PDE1A: variants seen among roughly 807,000 people sequenced by gnomAD.
PDE1A encodes dual specificity calcium/calmodulin-dependent 3',5'-cyclic nucleotide phosphodiesterase 1A.
A neutral mutation model predicts 61.7 loss-of-function variants in PDE1A; 35 were observed. The ratio of observed to expected loss-of-function variants is 0.57; its 90% CI spans 0.43 to 0.75. The LOEUF is 0.75. Ranked by LOEUF, PDE1A falls within the 30% of genes least tolerant of loss-of-function variation. The probability of loss-of-function intolerance (pLI) is 0.00; values close to 1 mark genes in which losing one functional copy is unlikely to be tolerated. For missense variants in PDE1A, 597 were observed against 630.6 expected (o/e 0.95, Z 0.57); for synonymous variants, 232 against 213.2 (o/e 1.09, Z -0.77).
At chr2:182,363,290 A>T (rs367611334) in intron 1 of PDE1A, among the ~76,000 whole-genome samples, 2 of 152,026 alleles carry the variant, frequency 1.3e-5, no homozygotes, top group Non-Finnish European at 2.9e-5. Flanking sequence ...ATGTTCCTAT[A>T]CAAAATAGAG....
chr2:182,251,421 C>T (rs1003359702), intron 2 of PDE1A, among the ~76,000 whole-genome samples: 6 of 151,914 alleles, frequency 3.9e-5, no homozygotes, highest in Non-Finnish European at 8.8e-5. Flanking sequence ...TGTGTATGGT[C>T]TCATTGTGAC....
chr2:182,599,957 G>A, the PDE1A span, among the ~76,000 whole-genome samples: 47 of 152,246 alleles, frequency 3.1e-4, no homozygotes, highest in African/African-American at 1.0e-3. Context: ...CAGATCTTCA[G>A]GTTGCTACTT....
chr2:182,351,454 A>C (rs180838232), intron 1 of PDE1A, among the ~76,000 whole-genome samples: 261 of 152,338 alleles, frequency 1.7e-3, no homozygotes, highest in African/African-American at 5.9e-3. Context: ...TTTTGCAGCT[A>C]TCTTTTAGGA....
At position 182,283,467 on chromosome 2, in the gene PDE1A, A is replaced by T. The variant is rs986625930; in HGVS notation, c.54-19053T>A. Among the ~76,000 whole-genome samples, 13 of 151,990 alleles carry T rather than the reference A, an allele frequency of 8.6e-5. 1 individual carries two copies. Among genetic ancestry groups the T allele is most frequent in the Admixed American group, 2.6e-4 (4 of 15,222 alleles). ...AAGACTTGGTGGCAGCCTTCATTAAATGCTATATAACACAAATTATTAGAT... is the reference window on the plus strand; with the variant it reads ...AAGACTTGGTGGCAGCCTTCATTAATTGCTATATAACACAAATTATTAGAT... On this transcript the variant is annotated intron_variant, in intron 1 of 13. Coordinates refer to ENST00000351439, the Ensembl canonical transcript of PDE1A.
intron 13 of PDE1A, among the ~76,000 whole-genome samples, chr2:182,154,351 C>T (rs926702215): frequency 6.6e-6 from 1 of 152,184 alleles, no homozygotes; most frequent in Non-Finnish European, 1.5e-5. Flanking sequence ...TTAATTTTCA[C>T]TCTCCTATAC....
At chr2:182,298,264 T>C (rs892660155) in intron 1 of PDE1A, among the ~76,000 whole-genome samples, 5 of 152,160 alleles carry the variant, frequency 3.3e-5, no homozygotes, top group Non-Finnish European at 5.9e-5. Context: ...ATAAGTGCCA[T>C]TGCAGCGCTT....
intron 1 of PDE1A, among the ~76,000 whole-genome samples, chr2:182,402,773 A>G (rs1702078622): frequency 6.6e-6 from 1 of 152,234 alleles, no homozygotes; most frequent in Non-Finnish European, 1.5e-5. Context: ...CTTGCAATCT[A>G]TCCATCTGAC....
chr2:182,537,354 TGGATGAAGCTG>T, the PDE1A span, among the ~76,000 whole-genome samples: 1 of 152,180 alleles, frequency 6.6e-6, no homozygotes, highest in Admixed American at 6.5e-5. Context: ...TGCAGGGACA[TGGATGAAGCTG>T]GAAACCATTA....
chr2:182,145,777 T>A (rs1237451633), downstream of PDE1A, among the ~76,000 whole-genome samples: 2 of 152,088 alleles, frequency 1.3e-5, no homozygotes, highest in Non-Finnish European at 2.9e-5. Context: ...ATACAAGATG[T>A]TCACCACAGT....
chr2:182,562,678 C>T, the PDE1A span, among the ~76,000 whole-genome samples: 1 of 151,944 alleles, frequency 6.6e-6, no homozygotes, highest in South Asian at 2.1e-4. Flanking sequence ...GTGAATCCAT[C>T]TGGTCCTGGA....
At chr2:182,596,704 T>C in the PDE1A span, among the ~76,000 whole-genome samples, 352 of 151,884 alleles carry the variant, frequency 2.3e-3, 2 homozygotes, top group African/African-American at 8.2e-3. Flanking sequence ...GATGGATGGA[T>C]GGATGGATGG....
chr2:182,617,847 C>G, the PDE1A span, among the ~76,000 whole-genome samples: 1 of 152,236 alleles, frequency 6.6e-6, no homozygotes, highest in Non-Finnish European at 1.5e-5. Flanking sequence ...AACCTCCACA[C>G]CCCATCTGGA....
chr2:182,381,491 T>C (rs1311357212), intron 1 of PDE1A, among the ~76,000 whole-genome samples: 1 of 152,144 alleles, frequency 6.6e-6, no homozygotes, highest in Non-Finnish European at 1.5e-5. Flanking sequence ...TAATGTCATG[T>C]GTTGCACAGA....
chr2:182,637,519 A>G, the PDE1A span, among the ~76,000 whole-genome samples: 6 of 152,212 alleles, frequency 3.9e-5, no homozygotes, highest in Non-Finnish European at 8.8e-5. Context: ...CCAATTAAAG[A>G]AAAGAGCTCA....
chr2:182,589,269 GAGGAAGGAAGGAAGGA>G, the PDE1A span, among the ~76,000 whole-genome samples: 111 of 121,942 alleles, frequency 9.1e-4, 2 homozygotes, highest in African/African-American at 2.7e-3. Context: ...GGGAGGGAGG[GAGGAAGGAAGGAAGGA>G]AGGAAGGAAG....
At chr2:182,416,028 C>T (rs1299391073) in intron 1 of PDE1A, among the ~76,000 whole-genome samples, 1 of 152,118 alleles carries the variant, frequency 6.6e-6, no homozygotes, top group Non-Finnish European at 1.5e-5. Context: ...ATGTCAGTGT[C>T]CCGTGTCTCT....
chr2:182,194,332 A>C (rs1685956947), intron 10 of PDE1A, among the ~76,000 whole-genome samples: 1 of 152,182 alleles, frequency 6.6e-6, no homozygotes, highest in Non-Finnish European at 1.5e-5. Flanking sequence ...CAAGAGGAGA[A>C]TAAAAAGCAA....
chr2:182,485,305 G>T (rs1459700037), intron 2 of PDE1A, among the ~76,000 whole-genome samples: 1 of 152,014 alleles, frequency 6.6e-6, no homozygotes, highest in Non-Finnish European at 1.5e-5. Context: ...ACAAGTGGGA[G>T]CTAAAAGATA....
chr2:182,277,785 G>A (rs561880355), intron 1 of PDE1A, among the ~76,000 whole-genome samples: 1 of 151,998 alleles, frequency 6.6e-6, no homozygotes, highest in Non-Finnish European at 1.5e-5. Flanking sequence ...ATATTGAGAT[G>A]CACTGAGTTT....
Sources: allele counts gnomAD v4.1 joint callset (sites outside exome capture counted in the v4.1 genomes callset), GRCh38; gene constraint gnomAD v4.1.1; transcripts MANE v1.5; gene names NCBI Gene and HGNC (gene_info 2026-07-23, HGNC 2026-07-21).